Variants in ZNF827 observed in about 807,000 individuals in gnomAD.
ZNF827 encodes zinc finger protein 827.
ZNF827 carries 13 observed loss-of-function variants against 102.4 expected under a neutral mutation model. The ratio of observed to expected loss-of-function variants is 0.13; its 90% CI spans 0.08 to 0.20. The LOEUF is 0.20. Among genes scored for constraint, ZNF827 ranks in the 10% least tolerant of loss-of-function variants. The pLI, the probability that ZNF827 is intolerant of heterozygous loss-of-function variation, is 1.00. For missense variants in ZNF827, 1,103 were observed against 1,344.4 expected (o/e 0.82, Z 2.81); for synonymous variants, 523 against 536.2 (o/e 0.98, Z 0.34).
At position 145,763,731 on chromosome 4, in the gene ZNF827, A is replaced by C. The variant is rs1290340345; in HGVS notation, c.3231-609T>G. Among the ~76,000 whole-genome samples, 1 of 152,220 alleles carries C rather than the reference A, an allele frequency of 6.6e-6. No individual in the cohort carries two copies. The highest frequency in any genetic ancestry group is 1.5e-5 in the Non-Finnish European group (1 of 68,044). On this transcript the variant is annotated intron_variant, in intron 13 of 14. Coordinates refer to ENST00000508784, the MANE Select transcript of ZNF827 (RefSeq NM_001306215.2). This position sits in a 1 kb window ranked among gnomAD's most constrained non-coding sequence, Gnocchi z 4.6. ...TCTCTTTTTAAAATGAGAGCACACA[A>C]ATATTTATAAAGGGACAGTGGGAAC...
intron 5 of ZNF827, among the ~76,000 whole-genome samples, chr4:145,858,539 G>A (rs1413939463): frequency 1.3e-5 from 2 of 152,046 alleles, no homozygotes; most frequent in East Asian, 3.9e-4. Flanking sequence ...CTACTTGGGA[G>A]GCTGAGGTGG....
intron 11 of ZNF827, among the ~76,000 whole-genome samples, chr4:145,772,188 C>T (rs1024662860): frequency 2.6e-5 from 4 of 152,190 alleles, no homozygotes; most frequent in African/African-American, 7.2e-5. Context: ...TGAGCTTGCA[C>T]ACAAATATAT....
At chr4:145,932,530 A>C (rs1053359544) in intron 1 of ZNF827, among the ~76,000 whole-genome samples, 2 of 147,626 alleles carry the variant, frequency 1.4e-5, no homozygotes, top group Admixed American at 1.4e-4. Flanking sequence ...GCTGGAGTGT[A>C]GTGGCACAAT....
At chr4:145,896,549 G>A (rs1418504335) in intron 2 of ZNF827, among the ~76,000 whole-genome samples, 1 of 152,208 alleles carries the variant, frequency 6.6e-6, no homozygotes, top group Non-Finnish European at 1.5e-5. Flanking sequence ...TAGACCGTAA[G>A]GAGATTAAAT....
intron 8 of ZNF827, among the ~76,000 whole-genome samples, chr4:145,806,539 C>T (rs1470442175): frequency 1.3e-5 from 2 of 151,798 alleles, no homozygotes; most frequent in African/African-American, 4.8e-5. Flanking sequence ...TTTAATGATA[C>T]TCAGATCTTT....
In ZNF827 at chr4:145,757,776, T is replaced by C. The variant is rs1025204674; in HGVS notation, c.*3840A>G. 6.6e-6 allele frequency: 1 copy of C among 151,880 alleles called. No individual in the cohort carries two copies. Among genetic ancestry groups the C allele is most frequent in the African/African-American group, 2.4e-5 (1 of 41,356 alleles). 9.4% of individuals were successfully genotyped at this position (151,880 alleles called of 1,614,324 possible). A position where few individuals can be genotyped will look rare whatever the true frequency, so the allele number is the denominator to read the frequency against. Reference sequence around the variant, plus strand: ...CAGCCTCGTAATGCAAAAAGCTTTATACAATACAAATTTTCAGTAATGTAC... The same window carrying C: ...CAGCCTCGTAATGCAAAAAGCTTTACACAATACAAATTTTCAGTAATGTAC... On this transcript the variant is annotated 3_prime_UTR_variant, in exon 15 of 15. Coordinates refer to ENST00000508784, the MANE Select transcript of ZNF827 (RefSeq NM_001306215.2).
At chr4:145,801,408 T>C (rs1336839375) in intron 8 of ZNF827, among the ~76,000 whole-genome samples, 1 of 152,254 alleles carries the variant, frequency 6.6e-6, no homozygotes, top group Non-Finnish European at 1.5e-5. Context: ...TCTACCTTGA[T>C]ATCCCCATCA....
Position 145,938,366 on chromosome 4 carries a change from T to G in ZNF827, c.42A>C (p.Ser14=). The G allele has an allele frequency of 6.2e-7, 1 of 1,613,448 alleles. No homozygotes were observed. Residue 14 remains serine (S), a splice_region_variant and synonymous_variant, in exon 1 of 15, where the codon TCA becomes TCC. Transcript: ENST00000508784. ...GGAGGTGGAGAAGGGATGACTTACG[T>G]GAGGGAAGGCGCTTGGGCTGCTCCT... is the stretch of plus-strand genomic sequence containing the variant. ...RKQEQPKRLP[S]HVSRQEEAEG... is the part of the protein sequence containing the mutation.
intron 5 of ZNF827, among the ~76,000 whole-genome samples, chr4:145,859,357 T>C (rs190824108): frequency 1.4e-3 from 210 of 152,090 alleles, no homozygotes; most frequent in African/African-American, 4.7e-3. Context: ...AAAGAAGAAA[T>C]GGAAAGATAG....
intron 1 of ZNF827, among the ~76,000 whole-genome samples, chr4:145,932,032 G>T (rs1753845013): frequency 6.6e-6 from 1 of 152,146 alleles, no homozygotes; most frequent in Non-Finnish European, 1.5e-5. Flanking sequence ...GTTTATAAAA[G>T]GGGCCCTAGG....
At chr4:145,897,322 C>T (rs947260275) in intron 2 of ZNF827, among the ~76,000 whole-genome samples, 23 of 152,156 alleles carry the variant, frequency 1.5e-4, no homozygotes, top group African/African-American at 4.6e-4. Context: ...TTGTAGGCTT[C>T]GAAATCAAAC....
intron 1 of ZNF827, among the ~76,000 whole-genome samples, chr4:145,926,237 T>C (rs1401647981): frequency 6.6e-6 from 1 of 152,200 alleles, no homozygotes; most frequent in Non-Finnish European, 1.5e-5. Flanking sequence ...TTAGGATGAA[T>C]AACAATTTAC....
rs186853415 is a variant in ZNF827, at chr4:145,917,985, A to T, written c.44-14770T>A. 2.3e-3 allele frequency among the ~76,000 whole-genome samples: 351 copies of T among 152,296 alleles called. 1 individual carries two copies. Among genetic ancestry groups the T allele is most frequent in the Non-Finnish European group, 3.9e-3 (266 of 68,024 alleles). ...TATTTTAAAAGGAGAGTGAAAATAT[A>T]TTGGGCAATTTAAAGAAGTTATTTG... On this transcript the variant is annotated intron_variant, in intron 1 of 14. Transcript: ENST00000508784.
intron 4 of ZNF827, among the ~76,000 whole-genome samples, chr4:145,873,785 C>T (rs1315316809): frequency 1.3e-5 from 2 of 152,200 alleles, no homozygotes; most frequent in Non-Finnish European, 2.9e-5. Flanking sequence ...GGTCACCCTT[C>T]TAAAGCTTGC....
intron 1 of ZNF827, among the ~76,000 whole-genome samples, chr4:145,928,928 A>T (rs1157967885): frequency 6.6e-6 from 1 of 152,174 alleles, no homozygotes; most frequent in Non-Finnish European, 1.5e-5. Context: ...GGGAATGGAG[A>T]CAGCCGCCAC....
rs937058395 is a variant in ZNF827 at position 145,760,871 on chromosome 4, G to A, written c.*745C>T. 4.1e-6 allele frequency: 5 copies of A among 1,224,998 alleles called. No homozygotes were observed. In the African/African-American group the frequency reaches 7.9e-5, roughly 19 times the overall value. 75.9% of individuals were successfully genotyped at this position (1,224,998 alleles called of 1,614,324 possible). A position where few individuals can be genotyped will look rare whatever the true frequency, so the allele number is the denominator to read the frequency against. On this transcript the variant is annotated 3_prime_UTR_variant, in exon 15 of 15. Coordinates refer to ENST00000508784, the MANE Select transcript of ZNF827 (RefSeq NM_001306215.2). Reference sequence around the variant, plus strand: ...CTGGGAGGCGCAGTCTGAGGTCGGGGAGGGTGGAATGTGAGATCCAAGTGG... The same window carrying A: ...CTGGGAGGCGCAGTCTGAGGTCGGGAAGGGTGGAATGTGAGATCCAAGTGG...
intron 11 of ZNF827, among the ~76,000 whole-genome samples, chr4:145,773,252 T>C (rs751975383): frequency 2.1e-4 from 32 of 152,208 alleles, no homozygotes; most frequent in Admixed American, 5.9e-4. Flanking sequence ...CTAATGTGGT[T>C]ACAGTCAGAC....
intron 11 of ZNF827, among the ~76,000 whole-genome samples, chr4:145,771,325 C>T (rs1273674835): frequency 6.6e-6 from 1 of 152,180 alleles, no homozygotes; most frequent in Non-Finnish European, 1.5e-5. Flanking sequence ...ACAAATCCTT[C>T]TAGCTCTGGA....
At chr4:145,863,768 C>G (rs1235317498) in intron 5 of ZNF827, among the ~76,000 whole-genome samples, 1 of 151,568 alleles carries the variant, frequency 6.6e-6, no homozygotes, top group African/African-American at 2.4e-5. Context: ...CTCATGGGCT[C>G]GACATTTTTG....
Sources: gnomAD v4.1 joint callset for allele counts (sites outside exome capture counted in the v4.1 genomes callset) on GRCh38, gnomAD v4.1.1 for gene constraint, Gnocchi (gnomAD v3.1) non-coding constraint, MANE v1.5 for transcripts, NCBI Gene and HGNC (gene_info 2026-07-23, HGNC 2026-07-21) for gene names.